Variants in CYP7B1 observed in about 807,000 individuals in gnomAD.
CYP7B1 encodes the protein cytochrome P450 family 7 subfamily B member 1.
A neutral mutation model predicts 42.7 loss-of-function variants in CYP7B1; 29 were observed. That is an observed-to-expected ratio of 0.68 (90% CI 0.51 to 0.93). The LOEUF (loss-of-function observed/expected upper bound fraction) is 0.93, where lower values mean the gene tolerates loss of function less well. CYP7B1 is among the 40% of genes least tolerant of loss of function. The pLI, the probability that CYP7B1 is intolerant of heterozygous loss-of-function variation, is 0.00. For missense variants in CYP7B1, 655 were observed against 600.5 expected (o/e 1.09, Z -0.95); for synonymous variants, 235 against 218.2 (o/e 1.08, Z -0.68).
intron 1 of CYP7B1, among the ~76,000 whole-genome samples, chr8:64,633,667 A>G (rs1805729560): frequency 1.3e-5 from 2 of 152,232 alleles, no homozygotes; most frequent in African/African-American, 4.8e-5. Context: ...ATGGATAGGA[A>G]GAGTCAATAT....
At chr8:64,746,780 T>C (rs1328998449) in intron 1 of CYP7B1, among the ~76,000 whole-genome samples, 1 of 152,148 alleles carries the variant, frequency 6.6e-6, no homozygotes, top group African/African-American at 2.4e-5. Flanking sequence ...TTTTTCTGAA[T>C]ACCCCTCATT....
At chr8:64,680,120 A>G (rs925173143) in intron 1 of CYP7B1, among the ~76,000 whole-genome samples, 1 of 151,668 alleles carries the variant, frequency 6.6e-6, no homozygotes, top group Non-Finnish European at 1.5e-5. Flanking sequence ...GAGTCTGACT[A>G]TTGTAGATTC....
chr8:64,776,299 T>C (rs1005159512), intron 1 of CYP7B1, among the ~76,000 whole-genome samples: 15 of 152,288 alleles, frequency 9.8e-5, no homozygotes, highest in African/African-American at 3.4e-4. Flanking sequence ...TTGCTTGTTT[T>C]TCCTTTTGTT....
intron 1 of CYP7B1, among the ~76,000 whole-genome samples, chr8:64,780,728 CA>C (rs918649293): frequency 1.5e-4 from 23 of 152,094 alleles, no homozygotes; most frequent in Non-Finnish European, 3.2e-4. Context: ...GTATAAAGCA[CA>C]AAAACCTCCT....
At chr8:64,629,533 T>A (rs2129630557) in intron 1 of CYP7B1, among the ~76,000 whole-genome samples, 1 of 152,356 alleles carries the variant, frequency 6.6e-6, no homozygotes, top group African/African-American at 2.4e-5. Flanking sequence ...TTTGTGTATG[T>A]GGTTAAAATT....
Position 64,596,492 on chromosome 8 carries a change from A to C in CYP7B1, c.*150T>G. 1 of 782,148 alleles carries C rather than the reference A, an allele frequency of 1.3e-6. No homozygotes were observed. The highest frequency in any genetic ancestry group is 2.8e-5 in the East Asian group (1 of 36,148). The allele number at this position is 782,148 out of a possible 1,614,324, so 48.5% of individuals were successfully genotyped here. A position where few individuals can be genotyped will look rare whatever the true frequency, so the allele number is the denominator to read the frequency against. The stretch of plus-strand genomic sequence containing the variant: ...TATATTATGATGGGCTTTGTGACTA[A>C]GGACAAACTGGACTGATATCAGATC... On this transcript the variant is annotated 3_prime_UTR_variant, in exon 6 of 6. Coordinates refer to ENST00000310193, the MANE Select transcript of CYP7B1 (RefSeq NM_004820.5).
At chr8:64,654,758 G>A (rs142482659) in intron 1 of CYP7B1, among the ~76,000 whole-genome samples, 194 of 152,132 alleles carry the variant, frequency 1.3e-3, no homozygotes, top group Middle Eastern at 3.4e-3. Flanking sequence ...ATCACATAAC[G>A]CAACTTCAAA....
In CYP7B1 at chr8:64,663,633, A is replaced by G. The variant is rs534906201; in HGVS notation, c.123-39094T>C. Among the ~76,000 whole-genome samples, 20 of 152,348 alleles carry G rather than the reference A, an allele frequency of 1.3e-4. No homozygotes were observed. The East Asian group carries it at 2.3e-3, about 18-fold the overall frequency. Reference sequence around the variant, plus strand: ...AGGAAACCTTTGCTAGGTCATTCCAACAGAGTGATACTTCAAATCCTGGGT... The same window carrying G: ...AGGAAACCTTTGCTAGGTCATTCCAGCAGAGTGATACTTCAAATCCTGGGT... On this transcript the variant is annotated intron_variant, in intron 1 of 5. Coordinates refer to ENST00000310193, the MANE Select transcript of CYP7B1 (RefSeq NM_004820.5).
chr8:64,628,519 T>G (rs1392606930), intron 1 of CYP7B1, among the ~76,000 whole-genome samples: 1 of 151,924 alleles, frequency 6.6e-6, no homozygotes, highest in African/African-American at 2.4e-5. Flanking sequence ...AGGGTAAAGC[T>G]TGCCTGTAAT....
At chr8:64,597,635 A>G (rs1805138518) in intron 5 of CYP7B1, among the ~76,000 whole-genome samples, 1 of 152,178 alleles carries the variant, frequency 6.6e-6, no homozygotes, top group South Asian at 2.1e-4. Flanking sequence ...GAGTTATATT[A>G]GTTTGTTACA....
chr8:64,735,515 TC>T (rs1807474279), intron 1 of CYP7B1, among the ~76,000 whole-genome samples: 3 of 152,178 alleles, frequency 2.0e-5, no homozygotes, highest in Admixed American at 6.5e-5. Context: ...AACTAACCTT[TC>T]CAAAATGTTT....
At chr8:64,700,029 G>A (rs1011263348) in intron 1 of CYP7B1, among the ~76,000 whole-genome samples, 3 of 152,108 alleles carry the variant, frequency 2.0e-5, no homozygotes, top group Non-Finnish European at 2.9e-5. Flanking sequence ...ATGTCACTGA[G>A]ATAAATAGGA....
chr8:64,745,184 C>T (rs1807625615), intron 1 of CYP7B1, among the ~76,000 whole-genome samples: 1 of 152,154 alleles, frequency 6.6e-6, no homozygotes, highest in Admixed American at 6.5e-5. Flanking sequence ...ATACAGCATT[C>T]CGGTTATTTA....
At chr8:64,791,796 A>G (rs1223423341) in intron 1 of CYP7B1, among the ~76,000 whole-genome samples, 1 of 152,236 alleles carries the variant, frequency 6.6e-6, no homozygotes, top group Admixed American at 6.5e-5. Flanking sequence ...TGTAACAAAT[A>G]CCTAAAAATG....
At chr8:64,613,020 A>G (rs1295408202) in intron 4 of CYP7B1, among the ~76,000 whole-genome samples, 3 of 152,150 alleles carry the variant, frequency 2.0e-5, no homozygotes, top group Non-Finnish European at 2.9e-5. Flanking sequence ...CTTTTGAAAG[A>G]AAAAAATACA....
intron 1 of CYP7B1, among the ~76,000 whole-genome samples, chr8:64,692,439 C>CCTTGA (rs1204120271): frequency 3.3e-5 from 5 of 152,162 alleles, no homozygotes; most frequent in African/African-American, 1.2e-4. Flanking sequence ...AGAGTGCTTC[C>CCTTGA]CTTGACATGC....
At chr8:64,679,198 A>T (rs954300791) in intron 1 of CYP7B1, among the ~76,000 whole-genome samples, 4 of 152,162 alleles carry the variant, frequency 2.6e-5, no homozygotes, top group Admixed American at 2.6e-4. Context: ...TCATTCATTC[A>T]TTCATTCAAT....
intron 1 of CYP7B1, among the ~76,000 whole-genome samples, chr8:64,639,166 A>C (rs909784826): frequency 2.0e-5 from 3 of 152,116 alleles, no homozygotes; most frequent in Non-Finnish European, 4.4e-5. Flanking sequence ...TTGTAAAAAA[A>C]AAAATTTACC....
At chr8:64,748,210 T>C (rs147587754) in intron 1 of CYP7B1, among the ~76,000 whole-genome samples, 6 of 152,272 alleles carry the variant, frequency 3.9e-5, no homozygotes, top group African/African-American at 1.2e-4. Context: ...AGCTCTGATG[T>C]TGGGTGAGCA....
Sources: gnomAD v4.1 joint callset for allele counts (sites outside exome capture counted in the v4.1 genomes callset) on GRCh38, gnomAD v4.1.1 for gene constraint, MANE v1.5 for transcripts, NCBI Gene and HGNC (gene_info 2026-07-23, HGNC 2026-07-21) for gene names.